Variants in SHANK1 observed in about 807,000 individuals in gnomAD.
The protein encoded by SHANK1 is SH3 and multiple ankyrin repeat domains 1, also known as SH3 and multiple ankyrin repeat domains protein 1.
SHANK1 carries 35 observed loss-of-function variants against 165.6 expected under a neutral mutation model. That is an observed-to-expected ratio of 0.21 (90% CI 0.16 to 0.28). The LOEUF is 0.28. Ranked by LOEUF, SHANK1 falls within the 10% of genes least tolerant of loss-of-function variation. SHANK1 has a pLI of 1.00. For synonymous variants in SHANK1, 1,428 were observed against 1,384.8 expected, an observed-to-expected ratio of 1.03 and a Z score of -0.69; for missense variants, 2,681 against 3,036.4, an observed-to-expected ratio of 0.88 and a Z score of 2.75.
rs1599861931 is a variant in SHANK1, at chr19:50,697,184, A to C, written c.1938-62T>G. 1 of 1,611,860 alleles carries C rather than the reference A, an allele frequency of 6.2e-7. No individual in the cohort carries two copies. Among genetic ancestry groups the C allele is most frequent in the Non-Finnish European group, 8.5e-7 (1 of 1,179,190 alleles). ...AAGGTGTCAGTGCACCCATCTCCTCACCCCAATCCCACCCAGCCCTGACTG... is the reference window on the plus strand; with the variant it reads ...AAGGTGTCAGTGCACCCATCTCCTCCCCCCAATCCCACCCAGCCCTGACTG... On this transcript the variant is annotated intron_variant, in intron 14 of 23. Transcript: ENST00000293441. The surrounding 1 kb of genome is among the most constrained non-coding windows in gnomAD (Gnocchi z 4.7).
In SHANK1 at chr19:50,684,073, C is replaced by T. The variant is rs1238288128; in HGVS notation, c.2577+2164G>A. On this transcript the variant is annotated intron_variant, in intron 21 of 23. Transcript: ENST00000293441. ...TCTTTCTGTTTCTGTACCGCCCTTT[C>T]CTTCTTAAAGCTGGTTGTGAAGAAG... Among the ~76,000 whole-genome samples the T allele has an allele frequency of 2.0e-5, 3 of 152,158 alleles. No individual in the cohort carries two copies. In the South Asian group the frequency reaches 6.2e-4, roughly 32 times the overall value.
rs2089074783 is a variant in SHANK1 at position 50,716,788 on chromosome 19, G to A, written c.132C>T (p.Gly44=). 6.2e-7 allele frequency: 1 copy of A among 1,601,774 alleles called. No homozygotes were observed. Among genetic ancestry groups the A allele is most frequent in the Non-Finnish European group, 8.5e-7 (1 of 1,175,164 alleles). ...GRGPRGTRGQ[G]SGAPGSLASV... is the part of the protein sequence containing the mutation. ...AGGCCAGGCTACCAGGTGCCCCACT[G>A]CCCTGGCCCCGGGTCCCCCGGGGGC... Residue 44 remains glycine (G), a synonymous_variant, in exon 2 of 24, where the codon GGC becomes GGT. Coordinates refer to ENST00000293441, the MANE Select transcript of SHANK1 (RefSeq NM_016148.5). This position sits in a 1 kb window ranked among gnomAD's most constrained non-coding sequence, Gnocchi z 8.4.
intron 21 of SHANK1, among the ~76,000 whole-genome samples, chr19:50,685,492 G>A (rs866156878): frequency 3.3e-5 from 5 of 152,332 alleles, no homozygotes; most frequent in African/African-American, 1.2e-4. Context: ...GGAGGGCTGA[G>A]GCGGGCAGAT....
At position 50,716,589 on chromosome 19, in the gene SHANK1, C is replaced by T; in HGVS notation, c.255+76G>A. 1.3e-6 allele frequency: 2 copies of T among 1,556,442 alleles called. No homozygotes were observed. The highest frequency in any genetic ancestry group is 2.3e-5 in the East Asian group (1 of 44,318). On this transcript the variant is annotated intron_variant, in intron 2 of 23. Transcript: ENST00000293441. This position sits in a 1 kb window ranked among gnomAD's most constrained non-coding sequence, Gnocchi z 8.4. Reference sequence around the variant, plus strand: ...TGTGGGGGTGATTCCTGGGAGGATACCCAGCACCAGTGGACTCCCCATGTC... The same window carrying T: ...TGTGGGGGTGATTCCTGGGAGGATATCCAGCACCAGTGGACTCCCCATGTC...
In SHANK1 at chr19:50,662,477, G is replaced by C; in HGVS notation, c.5974C>G (p.Pro1992Ala). 1 of 1,552,758 alleles carries C rather than the reference G, an allele frequency of 6.4e-7. No homozygotes were observed. Among genetic ancestry groups the C allele is most frequent in the Non-Finnish European group, 8.7e-7 (1 of 1,148,922 alleles). The change falls in exon 24 of 24, where the codon CCC (proline) becomes GCC (alanine). Residue 1992 changes from proline (P) to alanine (A), a missense_variant. Physicochemically the swap from Pro to Ala is conservative, Grantham distance 27. Transcript: ENST00000293441. The surrounding 1 kb of genome is among the most constrained non-coding windows in gnomAD (Gnocchi z 7.7). ...CTGGGGGCCCGGCGGAGCAGAGGGG[G>C]CCGCATCTCGAACTCCACGCCCTGG... is the stretch of plus-strand genomic sequence containing the variant. Reference protein sequence around the residue: ...HLQGVEFEMRPPLLRRAPSPS... With the variant: ...HLQGVEFEMRAPLLRRAPSPS...
At chr19:50,680,212 G>A (rs1292200940) in intron 21 of SHANK1, among the ~76,000 whole-genome samples, 5 of 152,036 alleles carry the variant, frequency 3.3e-5, no homozygotes, top group African/African-American at 9.7e-5. Context: ...GGGCCTAGAA[G>A]GGGGAGAGAC....
intron 21 of SHANK1, among the ~76,000 whole-genome samples, chr19:50,683,461 A>T (rs1335793494): frequency 6.6e-6 from 1 of 152,160 alleles, no homozygotes; most frequent in Admixed American, 6.5e-5. Flanking sequence ...ATTCACATCC[A>T]ACTCCTGGCC....
Position 50,716,352 on chromosome 19 carries a change from C to T in SHANK1, c.382G>A (p.Asp128Asn), listed in dbSNP as rs761652968. The T allele has an allele frequency of 1.2e-6, 2 of 1,614,192 alleles. No homozygotes were observed. Among genetic ancestry groups the T allele is most frequent in the South Asian group, 1.1e-5 (1 of 91,090 alleles). ...GLFQPATSGR[D>N]ANFLEEERLL... is the part of the protein sequence containing the mutation. ...CTCTCCTCCTCCAGGAAGTTGGCAT[C>T]GCGGCCGGAGGTGGCCGGTTGGAAC... is the stretch of plus-strand genomic sequence containing the variant. Residue 128 changes from aspartate to asparagine, a missense_variant, in exon 3 of 24, where the codon GAT (aspartate) becomes AAT (asparagine). Physicochemically the swap from Asp to Asn is conservative, Grantham distance 23. This residue lies in a region of SHANK1 where 189 missense variants were observed against 440.9 expected (regional missense o/e 0.43). Transcript: ENST00000293441. This position sits in a 1 kb window ranked among gnomAD's most constrained non-coding sequence, Gnocchi z 8.4.
rs202191667 is a variant in SHANK1, at chr19:50,667,283, G to C, written c.4677C>G (p.Gly1559=). 6.3e-7 allele frequency: 1 copy of C among 1,596,678 alleles called. No homozygotes were observed. Among genetic ancestry groups the C allele is most frequent in the East Asian group, 2.2e-5 (1 of 44,738 alleles). ...GCAGCGGTTCCACGAAAAGGAATTC[G>C]CCATCTTCCACATCCACCGAGGGGG... ...PPAPSVDVED[G]EFLFVEPLPP... is the part of the protein sequence containing the mutation. The change falls in exon 23 of 24, where the codon GGC becomes GGG. Residue 1559 remains glycine (G), a synonymous_variant. Transcript: ENST00000293441. This position sits in a 1 kb window ranked among gnomAD's most constrained non-coding sequence, Gnocchi z 5.7.
At chr19:50,665,966 A>G (rs933749212) in intron 23 of SHANK1, among the ~76,000 whole-genome samples, 2 of 149,414 alleles carry the variant, frequency 1.3e-5, no homozygotes, top group Admixed American at 1.3e-4. Flanking sequence ...AGCCGAGATC[A>G]CGCCATTGCA....
chr19:50,668,092 C>G lies in SHANK1; in HGVS notation c.3868G>C (p.Glu1290Gln). Reference protein sequence around the residue: ...PRLRHSKSIDEGMFSAEPYLR... With the variant: ...PRLRHSKSIDQGMFSAEPYLR... ...TAGGGCTCGGCGGAGAACATGCCCT[C>G]GTCGATGGATTTGGAGTGGCGCAGC... Residue 1290 changes from glutamate (E) to glutamine (Q), a missense_variant, in exon 23 of 24, where the codon GAG (glutamate) becomes CAG (glutamine). Around this residue, in one of 10 missense-constraint regions of SHANK1, gnomAD observed 1,713 missense variants for 1,630.2 expected, o/e 1.05. Coordinates refer to ENST00000293441, the MANE Select transcript of SHANK1 (RefSeq NM_016148.5). The G allele has an allele frequency of 2.0e-6, 3 of 1,480,912 alleles. No individual in the cohort carries two copies. Among genetic ancestry groups the G allele is most frequent in the Non-Finnish European group, 1.8e-6 (2 of 1,121,134 alleles). 91.7% of individuals were successfully genotyped at this position (1,480,912 alleles called of 1,614,324 possible).
rs1029862817 is a variant in SHANK1 at position 50,711,796 on chromosome 19, T to A, written c.960+151A>T. ...TATGCCCCCTTAGGGTCTTTCTGCC[T>A]TCACCCCCACCATTTCCTCTTTGGG... On this transcript the variant is annotated intron_variant, in intron 7 of 23. Transcript: ENST00000293441. 13 of 954,848 alleles carry A rather than the reference T, an allele frequency of 1.4e-5. No homozygotes were observed. The African/African-American group carries it at 2.0e-4, about 14-fold the overall frequency. 59.1% of individuals were successfully genotyped at this position (954,848 alleles called of 1,614,324 possible).
chr19:50,662,542 G>A lies in SHANK1; in HGVS notation c.5909C>T (p.Ser1970Leu). The change falls in exon 24 of 24, where the codon TCA becomes TTA. Residue 1970 changes from serine to leucine, a missense_variant. Ser to Leu is a moderately radical substitution (Grantham distance 145). This residue lies in a region of SHANK1 where 1,713 missense variants were observed against 1,630.2 expected (regional missense o/e 1.05). Transcript: ENST00000293441. This position sits in a 1 kb window ranked among gnomAD's most constrained non-coding sequence, Gnocchi z 7.7. ...CGTGGAGGAGGAGGAGGCTGAGGGT[G>A]AGGTGGCCCCTGGGGCCGCAGCGGC... The part of the protein sequence containing the change: ...PTAAAAPGAT[S>L]PSASSSSTST... The A allele has an allele frequency of 6.4e-7, 1 of 1,561,118 alleles. No homozygotes were observed. The highest frequency in any genetic ancestry group is 1.2e-5 in the South Asian group (1 of 84,962).
At chr19:50,671,580 C>CTA (rs1985795374) in intron 22 of SHANK1, among the ~76,000 whole-genome samples, 3 of 151,826 alleles carry the variant, frequency 2.0e-5, no homozygotes, top group Admixed American at 2.0e-4. Flanking sequence ...TCTTCCCCTG[C>CTA]TATAAGGCAA....
chr19:50,666,420 G>A lies in SHANK1; in HGVS notation c.5540C>T (p.Pro1847Leu), dbSNP rs779130708. 1.9e-6 allele frequency: 3 copies of A among 1,611,104 alleles called. No homozygotes were observed. Among genetic ancestry groups the A allele is most frequent in the East Asian group, 2.2e-5 (1 of 44,848 alleles). Residue 1847 changes from proline (P) to leucine (L), a missense_variant, in exon 23 of 24, where the codon CCG (proline) becomes CTG (leucine). This residue lies in a region of SHANK1 where 1,713 missense variants were observed against 1,630.2 expected (regional missense o/e 1.05). Coordinates refer to ENST00000293441, the MANE Select transcript of SHANK1 (RefSeq NM_016148.5). ...LLPWEEGPGP[P>L]PPPLPGPLAQ... ...CAAGGGCCCGGGCAGAGGTGGTGGCGGTGGGCCCGGGCCCTCCTCCCAGGG... is the reference window on the plus strand; with the variant it reads ...CAAGGGCCCGGGCAGAGGTGGTGGCAGTGGGCCCGGGCCCTCCTCCCAGGG...
chr19:50,667,834 G>C lies in SHANK1; in HGVS notation c.4126C>G (p.Pro1376Ala). The change falls in exon 23 of 24, where the codon CCG becomes GCG. Residue 1376 changes from proline to alanine, a missense_variant. Pro to Ala is a conservative substitution (Grantham distance 27). Transcript: ENST00000293441. This position sits in a 1 kb window ranked among gnomAD's most constrained non-coding sequence, Gnocchi z 5.7. ...ESSEGGGAPQ[P>A]PPRPPSPRYE... ...CGGGGCGATGGGGGCCTGGGAGGCG[G>C]CTGGGGGGCCCCGCCGCCCTCCGAG... The C allele has an allele frequency of 7.7e-7, 1 of 1,297,506 alleles. No homozygotes were observed. The highest frequency in any genetic ancestry group is 9.7e-7 in the Non-Finnish European group (1 of 1,027,236). 80.4% of individuals were successfully genotyped at this position (1,297,506 alleles called of 1,614,324 possible). A position where few individuals can be genotyped will look rare whatever the true frequency, so the allele number is the denominator to read the frequency against.
At chr19:50,694,567 G>T (rs560440272) in intron 15 of SHANK1, among the ~76,000 whole-genome samples, 3 of 123,212 alleles carry the variant, frequency 2.4e-5, no homozygotes, top group Non-Finnish European at 5.1e-5. Flanking sequence ...TAGGGGGCCT[G>T]CTGGGAGGAA....
chr19:50,698,043 C>G, intron 12 of SHANK1, 87 bp from the exon 13 acceptor site: 1 of 940,090 alleles, frequency 1.1e-6, no homozygotes, highest in East Asian at 2.6e-5. Context: ...AGCATTCCCA[C>G]AGTTACCAGC....
intron 18 of SHANK1, 45 bp downstream of exon 18, chr19:50,687,878 A>G (rs556559400): frequency 2.5e-6 from 4 of 1,611,964 alleles, no homozygotes; most frequent in Middle Eastern, 1.7e-4. Context: ...CGCAGGGCTG[A>G]GCCTGGTGGC....
Sources: allele counts gnomAD v4.1 joint callset (sites outside exome capture counted in the v4.1 genomes callset), GRCh38; gene constraint gnomAD v4.1.1; regional missense constraint gnomAD v4.1.1; non-coding constraint Gnocchi (gnomAD v3.1); transcripts MANE v1.5; gene names NCBI Gene and HGNC (gene_info 2026-07-23, HGNC 2026-07-21).